RGS7BP: variants seen among roughly 807,000 people sequenced by gnomAD.
RGS7BP encodes the protein regulator of G protein signaling 7 binding protein.
RGS7BP carries 9 observed loss-of-function variants against 31.3 expected under a neutral mutation model. That is an observed-to-expected ratio of 0.29 (90% CI 0.17 to 0.50). RGS7BP has a LOEUF of 0.50. RGS7BP is among the 20% of genes least tolerant of loss of function. RGS7BP has a pLI of 0.98. For synonymous variants in RGS7BP, 115 were observed against 120.1 expected, an observed-to-expected ratio of 0.96 and a Z score of 0.28; for missense variants, 274 against 322.0, an observed-to-expected ratio of 0.85 and a Z score of 1.14.
chr5:64,570,277 C>A (rs1742273951), intron 2 of RGS7BP, among the ~76,000 whole-genome samples: 1 of 152,110 alleles, frequency 6.6e-6, no homozygotes. Flanking sequence ...TTTATACTTG[C>A]TTTCCCACAC....
At chr5:64,594,566 T>C in intron 3 of RGS7BP, 144 bp from the exon 4 acceptor site, 1 of 724,256 alleles carries the variant, frequency 1.4e-6, no homozygotes, top group East Asian at 2.5e-5. Flanking sequence ...TATACCTAAT[T>C]ATTTTATTAC....
At chr5:64,583,368 G>T (rs149120939) in intron 3 of RGS7BP, among the ~76,000 whole-genome samples, 3 of 152,088 alleles carry the variant, frequency 2.0e-5, no homozygotes, top group African/African-American at 7.2e-5. Flanking sequence ...CAGCCTGGGC[G>T]ACAGAGCAAG....
At chr5:64,555,291 A>C (rs1254705717) in intron 2 of RGS7BP, among the ~76,000 whole-genome samples, 2 of 152,128 alleles carry the variant, frequency 1.3e-5, no homozygotes, top group African/African-American at 4.8e-5. Flanking sequence ...ACCTTGCCAC[A>C]CTTCGCAATT....
chr5:64,513,793 T>C (rs1748902078), intron 2 of RGS7BP, among the ~76,000 whole-genome samples: 1 of 152,222 alleles, frequency 6.6e-6, no homozygotes, highest in Non-Finnish European at 1.5e-5. Flanking sequence ...GGTGTTTTGC[T>C]TTAAAATGTT....
intron 3 of RGS7BP, among the ~76,000 whole-genome samples, chr5:64,583,864 T>C (rs994476877): frequency 6.6e-6 from 1 of 152,262 alleles, no homozygotes; most frequent in African/African-American, 2.4e-5. Flanking sequence ...TTGTCACCTT[T>C]AGTCAATGTA....
At chr5:64,574,573 G>A (rs915552183) in intron 2 of RGS7BP, among the ~76,000 whole-genome samples, 1 of 152,178 alleles carries the variant, frequency 6.6e-6, no homozygotes, top group African/African-American at 2.4e-5. Flanking sequence ...TTAAGAACAT[G>A]TGCAGGCATC....
At position 64,538,546 on chromosome 5, in the gene RGS7BP, C is replaced by CTTTTTTTTTTTTTTTTTTTTTTTTTT. The variant is rs1191560944; in HGVS notation, c.332+30672_332+30697dup. ...TTCTTTTCTTTTTTTTTTTCCTTTT[C>CTTTTTTTTTTTTTTTTTTTTTTTTTT]TTTTTTTTTTTTTTTTTTTTTTTTT... On this transcript the variant is annotated intron_variant, in intron 2 of 5. Transcript: ENST00000334025. Among the ~76,000 whole-genome samples the CTTTTTTTTTTTTTTTTTTTTTTTTTT allele has an allele frequency of 2.0e-4, 8 of 40,026 alleles. 1 individual carries two copies. The highest frequency in any genetic ancestry group is 3.3e-4 in the African/African-American group (3 of 8,962). The allele number at this position is 40,026 out of a possible 152,430, so 26.3% of individuals were successfully genotyped here.
intron 2 of RGS7BP, among the ~76,000 whole-genome samples, chr5:64,522,151 T>C (rs150540238): frequency 6.6e-6 from 1 of 152,332 alleles, no homozygotes; most frequent in African/African-American, 2.4e-5. Flanking sequence ...AGAATCTTTT[T>C]GTGACCATAA....
intron 2 of RGS7BP, among the ~76,000 whole-genome samples, chr5:64,519,240 TTCC>T (rs1749048491): frequency 6.6e-6 from 1 of 152,186 alleles, no homozygotes; most frequent in African/African-American, 2.4e-5. Context: ...CAACCTCTCC[TTCC>T]TCCTCATTTC....
At chr5:64,594,895 C>T (rs759343935) in intron 4 of RGS7BP, 38 bp downstream of exon 4, 6 of 1,604,542 alleles carry the variant, frequency 3.7e-6, no homozygotes, top group African/African-American at 1.3e-5. Context: ...TGCCAATCCT[C>T]CTCCCGTTAA....
intron 2 of RGS7BP, among the ~76,000 whole-genome samples, chr5:64,549,495 G>A (rs946386299): frequency 1.3e-5 from 2 of 152,228 alleles, no homozygotes; most frequent in Non-Finnish European, 1.5e-5. Context: ...CATCTGGCCT[G>A]TTGATACTGA....
rs144989073 is a variant in RGS7BP at position 64,515,937 on chromosome 5, C to T, written c.332+8060C>T. On this transcript the variant is annotated intron_variant, in intron 2 of 5. Transcript: ENST00000334025. ...GCATCAGCCTCCTGAGTAGCTGGGA[C>T]TACAGGCATGCACTACCAGACACAG... 7.9e-3 allele frequency among the ~76,000 whole-genome samples: 1,203 copies of T among 151,958 alleles called. 16 individuals are homozygous for T. Among genetic ancestry groups the T allele is most frequent in the African/African-American group, 0.026 (1,086 of 41,462 alleles).
At chr5:64,565,344 C>T (rs1209504113) in intron 2 of RGS7BP, among the ~76,000 whole-genome samples, 3 of 152,018 alleles carry the variant, frequency 2.0e-5, no homozygotes, top group African/African-American at 7.2e-5. Context: ...TCTATATACA[C>T]ATATATATTT....
chr5:64,566,444 T>C (rs1742170632), intron 2 of RGS7BP, among the ~76,000 whole-genome samples: 2 of 151,922 alleles, frequency 1.3e-5, no homozygotes, highest in African/African-American at 4.8e-5. Context: ...AGACTGGCAC[T>C]AGGGAGACTG....
chr5:64,598,126 G>A (rs1442567858), intron 4 of RGS7BP, among the ~76,000 whole-genome samples: 1 of 152,202 alleles, frequency 6.6e-6, no homozygotes, highest in Non-Finnish European at 1.5e-5. Context: ...GAGGGCTCCT[G>A]CAGGAGAATG....
chr5:64,579,543 C>CAAAAAAAAAAAAAA (rs34003776), intron 3 of RGS7BP, among the ~76,000 whole-genome samples: 6 of 53,308 alleles, frequency 1.1e-4, no homozygotes, highest in Admixed American at 3.3e-4. Context: ...GACTCCATCT[C>CAAAAAAAAAAAAAA]AAAAAAAAAA....
intron 3 of RGS7BP, among the ~76,000 whole-genome samples, chr5:64,586,953 T>C (rs1742772501): frequency 6.6e-6 from 1 of 152,198 alleles, no homozygotes; most frequent in Admixed American, 6.5e-5. Flanking sequence ...GTAACTACTG[T>C]ATGAGACAAT....
At chr5:64,556,867 G>C (rs1320232813) in intron 2 of RGS7BP, among the ~76,000 whole-genome samples, 1 of 151,600 alleles carries the variant, frequency 6.6e-6, no homozygotes, top group Non-Finnish European at 1.5e-5. Context: ...AGAAAGAATA[G>C]AGTGCTGAGA....
intron 3 of RGS7BP, among the ~76,000 whole-genome samples, chr5:64,586,221 G>A (rs1257743062): frequency 6.6e-6 from 1 of 152,080 alleles, no homozygotes; most frequent in Non-Finnish European, 1.5e-5. Context: ...AGGTTTGGAT[G>A]GCTCTGCTGA....
Sources: gnomAD v4.1 joint callset for allele counts (sites outside exome capture counted in the v4.1 genomes callset) on GRCh38, gnomAD v4.1.1 for gene constraint, MANE v1.5 for transcripts, NCBI Gene and HGNC (gene_info 2026-07-23, HGNC 2026-07-21) for gene names.